The following RAB11FIP4 variants were observed in gnomAD, a reference collection of about 807,000 sequenced individuals.
The protein encoded by RAB11FIP4 is rab11 family-interacting protein 4.
RAB11FIP4 carries 23 observed loss-of-function variants against 74.3 expected under a neutral mutation model. The observed-to-expected ratio is 0.31, with a 90% CI of 0.22 to 0.44. The LOEUF (loss-of-function observed/expected upper bound fraction) is 0.44. Among genes scored for constraint, RAB11FIP4 ranks in the 20% least tolerant of loss-of-function variants. The pLI, the probability that RAB11FIP4 is intolerant of heterozygous loss-of-function variation, is 1.00. For missense variants in RAB11FIP4, 630 were observed against 863.9 expected, an observed-to-expected ratio of 0.73 and a Z score of 3.39; for synonymous variants, 360 against 359.9, an observed-to-expected ratio of 1.00 and a Z score of 0.00.
intron 3 of RAB11FIP4, among the ~76,000 whole-genome samples, chr17:31,445,428 G>C (rs1261453476): frequency 6.6e-6 from 1 of 150,448 alleles, no homozygotes; most frequent in South Asian, 2.1e-4. Flanking sequence ...TTCCTAAGAA[G>C]GACACTCTCC....
intron 3 of RAB11FIP4, among the ~76,000 whole-genome samples, chr17:31,450,814 C>T (rs1019097904): frequency 6.7e-6 from 1 of 148,724 alleles, no homozygotes; most frequent in Non-Finnish European, 1.5e-5. Context: ...GCACCCTCTG[C>T]ATTTCCACCA....
At chr17:31,431,568 CGTGTGCTCAGGGAGG>C (rs140795281) in intron 1 of RAB11FIP4, 85,871 of 455,458 alleles carry the variant, frequency 0.19, 8,977 homozygotes, top group African/African-American at 0.32. Flanking sequence ...CCCCTGAAGC[CGTGTGCTCAGGGAGG>C]GTGTGCTCAG....
At chr17:31,433,920 C>A in intron 2 of RAB11FIP4, 114 bp from the exon 3 acceptor site, 1 of 1,015,494 alleles carries the variant, frequency 9.8e-7, no homozygotes, top group Non-Finnish European at 1.5e-6. Context: ...CTCCTGGAGC[C>A]TCGGGCCCCC....
At chr17:31,424,495 C>T (rs972491350) in intron 1 of RAB11FIP4, among the ~76,000 whole-genome samples, 15 of 151,992 alleles carry the variant, frequency 9.9e-5, no homozygotes, top group African/African-American at 1.5e-4. Context: ...TGCAACCTCC[C>T]GCCTCCTGGG....
At position 31,418,262 on chromosome 17, in the gene RAB11FIP4, C is replaced by T. The variant is rs187358462; in HGVS notation, c.160-13551C>T. 5.2e-3 allele frequency among the ~76,000 whole-genome samples: 797 copies of T among 152,234 alleles called. 23 individuals carry two copies. Among genetic ancestry groups the T allele is most frequent in the Admixed American group, 0.046 (711 of 15,294 alleles). On this transcript the variant is annotated intron_variant, in intron 1 of 14. Transcript: ENST00000621161. ...AATTAGCTGGGTGTGGTGGCAGGCA[C>T]CTGTAATCCCAGCTACTCAGGAGGC...
chr17:31,495,873 G>A (rs1179099129), intron 3 of RAB11FIP4, among the ~76,000 whole-genome samples: 3 of 152,204 alleles, frequency 2.0e-5, no homozygotes, highest in African/African-American at 4.8e-5. Context: ...CACAGTCTGC[G>A]GAACTGTGAC....
chr17:31,525,284 G>A, intron 10 of RAB11FIP4, 54 bp downstream of exon 10: 1 of 1,494,674 alleles, frequency 6.7e-7, no homozygotes. Flanking sequence ...TCCTGGGGCA[G>A]CCCTGTGGGA....
At chr17:31,488,359 G>C (rs750652509) in intron 3 of RAB11FIP4, 1 of 1,108,102 alleles carries the variant, frequency 9.0e-7, no homozygotes, top group African/African-American at 1.7e-5. Context: ...GGAAGTTGGC[G>C]GAGAGCGGAC....
intron 3 of RAB11FIP4, among the ~76,000 whole-genome samples, chr17:31,464,719 G>A (rs1344541502): frequency 1.4e-5 from 2 of 138,382 alleles, no homozygotes; most frequent in Admixed American, 1.5e-4. Context: ...CCAAAGTGCT[G>A]GGATTACAGG....
chr17:31,413,686 T>A (rs2071121107), intron 1 of RAB11FIP4, among the ~76,000 whole-genome samples: 1 of 152,106 alleles, frequency 6.6e-6, no homozygotes, highest in South Asian at 2.1e-4. Flanking sequence ...TCCAAGGCCC[T>A]TCCACATCTC....
At chr17:31,488,815 C>T (rs1400968401) in intron 3 of RAB11FIP4, among the ~76,000 whole-genome samples, 2 of 152,184 alleles carry the variant, frequency 1.3e-5, no homozygotes, top group Non-Finnish European at 2.9e-5. Context: ...TGTGTTGTGG[C>T]CCTTGAGGCG....
At position 31,517,754 on chromosome 17, in the gene RAB11FIP4, C is replaced by T; in HGVS notation, c.440C>T (p.Pro147Leu). The T allele has an allele frequency of 6.3e-7, 1 of 1,579,658 alleles. No homozygotes were observed. The highest frequency in any genetic ancestry group is 8.6e-7 in the Non-Finnish European group (1 of 1,162,710). The change falls in exon 4 of 15, where the codon CCT becomes CTT. Residue 147 changes from proline (P) to leucine (L), a missense_variant. By Grantham distance (98) the Pro-to-Leu change is moderately conservative (BLOSUM62 -3). Transcript: ENST00000621161. ...DEEEAMTLAP[P>L]EGPQELYTDS... ...GAGGAGGCTATGACGCTGGCGCCACCTGAGGGCCCCCAGGAGTTGTACACA... is the reference window on the plus strand; with the variant it reads ...GAGGAGGCTATGACGCTGGCGCCACTTGAGGGCCCCCAGGAGTTGTACACA...
chr17:31,479,687 C>G (rs1597942274), intron 3 of RAB11FIP4, among the ~76,000 whole-genome samples: 1 of 152,118 alleles, frequency 6.6e-6, no homozygotes, highest in Non-Finnish European at 1.5e-5. Context: ...GAAATCATAC[C>G]TGGGTGGAGT....
intron 1 of RAB11FIP4, among the ~76,000 whole-genome samples, chr17:31,427,879 T>G (rs771191784): frequency 6.6e-6 from 1 of 152,124 alleles, no homozygotes; most frequent in Non-Finnish European, 1.5e-5. Context: ...AGCCACGTCA[T>G]TGCCTGGCAG....
chr17:31,425,097 G>A (rs550880311), intron 1 of RAB11FIP4, among the ~76,000 whole-genome samples: 4 of 152,280 alleles, frequency 2.6e-5, no homozygotes, highest in Non-Finnish European at 5.9e-5. Context: ...GTGTTCAGCC[G>A]TCTTCTACGA....
At chr17:31,498,089 A>G (rs1257118254) in intron 3 of RAB11FIP4, among the ~76,000 whole-genome samples, 1 of 152,068 alleles carries the variant, frequency 6.6e-6, no homozygotes, top group Non-Finnish European at 1.5e-5. Context: ...GGGCTTTGCG[A>G]GCTGCTCTCA....
chr17:31,518,862 C>G (rs1486905603), intron 4 of RAB11FIP4: 2 of 152,562 alleles, frequency 1.3e-5, no homozygotes, highest in South Asian at 2.1e-4. Flanking sequence ...GAGACAGACT[C>G]TCACTCTGTC....
chr17:31,408,034 C>G (rs997435852), intron 1 of RAB11FIP4, among the ~76,000 whole-genome samples: 2 of 152,114 alleles, frequency 1.3e-5, no homozygotes, highest in Non-Finnish European at 2.9e-5. Flanking sequence ...CCTTCCACCC[C>G]CCTTTTCTGA....
chr17:31,479,455 T>G (rs112781148), intron 3 of RAB11FIP4, among the ~76,000 whole-genome samples: 3,138 of 152,222 alleles, frequency 0.021, 107 homozygotes, highest in African/African-American at 0.071. Flanking sequence ...ATTCCCCAGG[T>G]GATTACTGTG....
Sources: allele counts gnomAD v4.1 joint callset (sites outside exome capture counted in the v4.1 genomes callset), GRCh38; gene constraint gnomAD v4.1.1; transcripts MANE v1.5; gene names NCBI Gene and HGNC (gene_info 2026-07-23, HGNC 2026-07-21).